The following PRKN variants were observed in gnomAD, a reference collection of about 807,000 sequenced individuals.
PRKN encodes the protein E3 ubiquitin-protein ligase parkin.
PRKN carries 56 observed loss-of-function variants against 59.5 expected under a neutral mutation model. The observed-to-expected ratio is 0.94, with a 90% CI of 0.76 to 1.18. The LOEUF (loss-of-function observed/expected upper bound fraction) is 1.18, where lower values mean the gene tolerates loss of function less well. PRKN is among the 50% of genes most tolerant of loss of function. The pLI is 0.00. For missense variants in PRKN, 657 were observed against 596.4 expected (o/e 1.10, Z -1.06); for synonymous variants, 250 against 222.1 (o/e 1.13, Z -1.12).
intron 6 of PRKN, among the ~76,000 whole-genome samples, chr6:161,849,052 T>G (rs1793315406): frequency 6.6e-6 from 1 of 152,316 alleles, no homozygotes; most frequent in South Asian, 2.1e-4. Context: ...CAGTTCCAGA[T>G]GAGGTGCTAG....
intron 9 of PRKN, among the ~76,000 whole-genome samples, chr6:161,536,430 A>T (rs1275775921): frequency 2.0e-5 from 3 of 152,182 alleles, no homozygotes; most frequent in African/African-American, 7.2e-5. Flanking sequence ...GAAAAAAAAA[A>T]AAAATCTGTT....
chr6:161,771,851 C>T (rs1211737648), intron 7 of PRKN, among the ~76,000 whole-genome samples: 1 of 152,170 alleles, frequency 6.6e-6, no homozygotes, highest in African/African-American at 2.4e-5. Flanking sequence ...TGGAACCAAA[C>T]AGTATAAACC....
At position 161,544,817 on chromosome 6, in the gene PRKN, C is replaced by G. The variant is rs1376093018; in HGVS notation, c.1083+4037G>C. ...CATTGCTCCTCGGGGAACAGATAAG[C>G]CTGTGACACAGTGGAGCAAAGTGTC... On this transcript the variant is annotated intron_variant, in intron 9 of 11. Coordinates refer to ENST00000366898, the MANE Select transcript of PRKN (RefSeq NM_004562.3). This position sits in a 1 kb window ranked among gnomAD's most constrained non-coding sequence, Gnocchi z 5.5. 1.3e-5 allele frequency among the ~76,000 whole-genome samples: 2 copies of G among 152,146 alleles called. No individual in the cohort carries two copies. The highest frequency in any genetic ancestry group is 3.8e-4 in the East Asian group (2 of 5,202).
chr6:161,804,110 C>G (rs866100599), intron 6 of PRKN, among the ~76,000 whole-genome samples: 1 of 152,160 alleles, frequency 6.6e-6, no homozygotes, highest in Non-Finnish European at 1.5e-5. Context: ...GTTTCAATGT[C>G]AATGAAGGTC....
rs2128209112 is a variant in PRKN, at chr6:162,572,713, C to G, written c.8-129240G>C. On this transcript the variant is annotated intron_variant, in intron 1 of 11. Coordinates refer to ENST00000366898, the MANE Select transcript of PRKN (RefSeq NM_004562.3). Reference sequence around the variant, plus strand: ...GAAAGCATTAAAGGAATCTCACTAGCTCTTTCAGTAAAATCAATCAGGAAA... The same window carrying G: ...GAAAGCATTAAAGGAATCTCACTAGGTCTTTCAGTAAAATCAATCAGGAAA... Among the ~76,000 whole-genome samples, 2 of 152,276 alleles carry G rather than the reference C, an allele frequency of 1.3e-5. 1 individual carries two copies. The highest frequency in any genetic ancestry group is 1.3e-4 in the Admixed American group (2 of 15,290).
intron 1 of PRKN, among the ~76,000 whole-genome samples, chr6:162,630,476 C>T (rs2849559): frequency 0.92 from 139,331 of 152,132 alleles, 63,964 homozygotes; most frequent in Admixed American, 0.97. Flanking sequence ...TCGTTGACAA[C>T]GTAATATACA....
chr6:162,031,602 C>T (rs185015530), intron 5 of PRKN, among the ~76,000 whole-genome samples: 2 of 148,600 alleles, frequency 1.3e-5, no homozygotes, highest in African/African-American at 5.0e-5. Flanking sequence ...ATCATGCAAT[C>T]TCAGCTCACT....
intron 6 of PRKN, among the ~76,000 whole-genome samples, chr6:161,825,041 T>G (rs1792184051): frequency 6.6e-6 from 1 of 152,212 alleles, no homozygotes; most frequent in South Asian, 2.1e-4. Flanking sequence ...TTCCAATAAT[T>G]TGTAAAACTA....
chr6:162,261,583 C>T (rs138989022), intron 3 of PRKN, among the ~76,000 whole-genome samples: 2 of 152,092 alleles, frequency 1.3e-5, no homozygotes, highest in East Asian at 3.9e-4. Flanking sequence ...CATTTTTCCC[C>T]ATTTTTGACA....
intron 6 of PRKN, among the ~76,000 whole-genome samples, chr6:161,960,104 A>G (rs533626563): frequency 6.6e-6 from 1 of 152,324 alleles, no homozygotes; most frequent in African/African-American, 2.4e-5. Context: ...GCTGAAATGG[A>G]AAGGGAGGGC....
intron 5 of PRKN, among the ~76,000 whole-genome samples, chr6:161,992,119 T>C (rs1471268467): frequency 6.6e-6 from 1 of 151,858 alleles, no homozygotes; most frequent in Non-Finnish European, 1.5e-5. Flanking sequence ...AGGGCAGAAG[T>C]CTTGAGGTCA....
chr6:162,269,853 A>G (rs4708947), intron 2 of PRKN, among the ~76,000 whole-genome samples: 10,537 of 152,186 alleles, frequency 0.069, 1,057 homozygotes, highest in East Asian at 0.49. Flanking sequence ...TGGCCATAAT[A>G]AAAAAATCGA....
chr6:161,495,897 T>G (rs918486675), intron 9 of PRKN, among the ~76,000 whole-genome samples: 1 of 152,218 alleles, frequency 6.6e-6, no homozygotes. Context: ...TTCTGAAGAC[T>G]AGGTTACAGC....
chr6:162,726,958 A>C (rs1276835337), intron 1 of PRKN, among the ~76,000 whole-genome samples: 1 of 151,886 alleles, frequency 6.6e-6, no homozygotes, highest in Non-Finnish European at 1.5e-5. Flanking sequence ...CTCTGATGCC[A>C]CTAAGTTTCG....
intron 1 of PRKN, among the ~76,000 whole-genome samples, chr6:162,472,474 T>TATATATATATATATATATATATATATCTC (rs1791802887): frequency 7.9e-6 from 1 of 127,310 alleles, no homozygotes; most frequent in Non-Finnish European, 1.7e-5. Flanking sequence ...TTTATTTTAT[T>TATATATATATATATATATATATATATCTC]TTATTTTATT....
At chr6:162,495,672 T>C (rs1429981357) in intron 1 of PRKN, among the ~76,000 whole-genome samples, 1 of 152,170 alleles carries the variant, frequency 6.6e-6, no homozygotes, top group Non-Finnish European at 1.5e-5. Context: ...TCTGCCAGTG[T>C]CATCTTTCTT....
At chr6:162,689,152 G>C (rs1200053270) in intron 1 of PRKN, among the ~76,000 whole-genome samples, 1 of 152,176 alleles carries the variant, frequency 6.6e-6, no homozygotes, top group African/African-American at 2.4e-5. Flanking sequence ...AGAGCACACT[G>C]CTCTCATTCC....
chr6:161,573,707 G>A lies in PRKN; in HGVS notation c.872-4291C>T, dbSNP rs1221558299. Among the ~76,000 whole-genome samples the A allele has an allele frequency of 3.8e-5, 4 of 105,416 alleles. No homozygotes were observed. In the South Asian group the frequency reaches 1.6e-3, roughly 41 times the overall value. The allele number at this position is 105,416 out of a possible 152,430, so 69.2% of individuals were successfully genotyped here. ...TGCGTTCCAGCCTGGGCGACAGAGCGAGACTCCGTCTCAAAAAAAAAAAAA... is the reference window on the plus strand; with the variant it reads ...TGCGTTCCAGCCTGGGCGACAGAGCAAGACTCCGTCTCAAAAAAAAAAAAA... On this transcript the variant is annotated intron_variant, in intron 7 of 11. Coordinates refer to ENST00000366898, the MANE Select transcript of PRKN (RefSeq NM_004562.3).
At chr6:161,886,850 A>T (rs1205514311) in intron 6 of PRKN, among the ~76,000 whole-genome samples, 1 of 152,042 alleles carries the variant, frequency 6.6e-6, no homozygotes, top group Non-Finnish European at 1.5e-5. Context: ...ATCGTGAAAG[A>T]AGAAAAGCTA....
Sources: allele counts gnomAD v4.1 joint callset (sites outside exome capture counted in the v4.1 genomes callset), GRCh38; gene constraint gnomAD v4.1.1; non-coding constraint Gnocchi (gnomAD v3.1); transcripts MANE v1.5; gene names NCBI Gene and HGNC (gene_info 2026-07-23, HGNC 2026-07-21).